Variants in EXOC6B observed in about 807,000 individuals in gnomAD.
EXOC6B encodes the protein SEC15 homolog B.
A neutral mutation model predicts 113.5 loss-of-function variants in EXOC6B; 54 were observed. The observed-to-expected ratio is 0.48, with a 90% CI of 0.38 to 0.60. The LOEUF (loss-of-function observed/expected upper bound fraction) is 0.60, where lower values mean the gene tolerates loss of function less well. EXOC6B is among the 20% of genes least tolerant of loss of function. The pLI is 0.00. For synonymous variants in EXOC6B, 357 were observed against 339.0 expected (o/e 1.05, Z -0.58); for missense variants, 797 against 977.5 (o/e 0.82, Z 2.46).
chr2:72,657,430 C>T (rs1674667786), intron 6 of EXOC6B, among the ~76,000 whole-genome samples: 3 of 151,706 alleles, frequency 2.0e-5, no homozygotes, highest in Non-Finnish European at 1.5e-5. Flanking sequence ...TGAGGTTTCA[C>T]CATATTGGCC....
In EXOC6B at chr2:72,439,256, T is replaced by G. The variant is rs540323233; in HGVS notation, c.1980+25904A>C. Among the ~76,000 whole-genome samples, 3 of 152,310 alleles carry G rather than the reference T, an allele frequency of 2.0e-5. No homozygotes were observed. The South Asian group carries it at 6.2e-4, about 32-fold the overall frequency. On this transcript the variant is annotated intron_variant, in intron 18 of 21. Coordinates refer to ENST00000272427, the MANE Select transcript of EXOC6B (RefSeq NM_015189.3). The stretch of plus-strand genomic sequence containing the variant: ...GGATATTTAACTAGGGTTCTCTGAA[T>G]TTACTGAATTTGAATGCTGCCCTGT...
intron 16 of EXOC6B, among the ~76,000 whole-genome samples, chr2:72,484,541 T>C (rs1335554181): frequency 3.0e-5 from 4 of 131,536 alleles, no homozygotes; most frequent in Non-Finnish European, 6.1e-5. Context: ...CACTCCAGCC[T>C]GGGCGACAGA....
intron 20 of EXOC6B, among the ~76,000 whole-genome samples, chr2:72,230,324 A>G (rs1324242299): frequency 1.7e-4 from 26 of 152,242 alleles, no homozygotes; most frequent in Non-Finnish European, 1.6e-4. Context: ...ATTTGATAAC[A>G]AAGTAGCTTT....
intron 1 of EXOC6B, among the ~76,000 whole-genome samples, chr2:72,817,955 C>T (rs1559027297): frequency 1.3e-5 from 2 of 151,958 alleles, no homozygotes; most frequent in Admixed American, 6.6e-5. Flanking sequence ...CAGAACATTC[C>T]TTGTTTGTTT....
intron 20 of EXOC6B, among the ~76,000 whole-genome samples, chr2:72,187,250 A>AGGGAGCTC (rs761940409): frequency 4.6e-5 from 7 of 152,066 alleles, no homozygotes; most frequent in Non-Finnish European, 1.0e-4. Flanking sequence ...GCCCTGGCTC[A>AGGGAGCTC]GGGAGCTCCC....
At chr2:72,423,758 TACATACACACATGCACACAC>T (rs1695044127) in intron 18 of EXOC6B, among the ~76,000 whole-genome samples, 1 of 152,048 alleles carries the variant, frequency 6.6e-6, no homozygotes, top group East Asian at 1.9e-4. Flanking sequence ...CGTGCACACA[TACATACACACATGCACACAC>T]ACATGAACAC....
chr2:72,519,955 G>A (rs1281623671), intron 8 of EXOC6B, among the ~76,000 whole-genome samples: 1 of 152,114 alleles, frequency 6.6e-6, no homozygotes, highest in East Asian at 1.9e-4. Context: ...GGAAATGTGT[G>A]GCTCTTTCTG....
chr2:72,194,864 G>A (rs1679075123), intron 20 of EXOC6B, among the ~76,000 whole-genome samples: 1 of 152,114 alleles, frequency 6.6e-6, no homozygotes, highest in Admixed American at 6.5e-5. Flanking sequence ...GCCAGTAACA[G>A]GTTGGTTCCT....
At chr2:72,223,931 G>A (rs1470051329) in intron 20 of EXOC6B, among the ~76,000 whole-genome samples, 1 of 152,152 alleles carries the variant, frequency 6.6e-6, no homozygotes, top group African/African-American at 2.4e-5. Context: ...TTGGAATACA[G>A]GCGATTCCAA....
chr2:72,753,937 T>G (rs991124294), intron 1 of EXOC6B, among the ~76,000 whole-genome samples: 5 of 152,154 alleles, frequency 3.3e-5, no homozygotes, highest in Non-Finnish European at 5.9e-5. Context: ...TTTTAGTTTT[T>G]AGGATTTGTT....
chr2:72,733,302 C>T (rs1680755051), intron 2 of EXOC6B, among the ~76,000 whole-genome samples, 184 bp from the exon 3 acceptor site: 1 of 152,114 alleles, frequency 6.6e-6, no homozygotes, highest in Admixed American at 6.6e-5. Flanking sequence ...TGGATGTTTG[C>T]ATGACCTTTT....
chr2:72,746,037 T>C (rs1389822773), intron 1 of EXOC6B, among the ~76,000 whole-genome samples: 1 of 152,096 alleles, frequency 6.6e-6, no homozygotes, highest in Non-Finnish European at 1.5e-5. Flanking sequence ...CGCTTAAAAA[T>C]CTAAAAACTA....
Position 72,575,493 on chromosome 2 carries a change from T to G in EXOC6B, c.845A>C (p.Glu282Ala). The change falls in exon 7 of 22, where the codon GAG (glutamate) becomes GCG (alanine). Residue 282 changes from glutamate to alanine, a missense_variant and splice_region_variant. Physicochemically the swap from Glu to Ala is moderately radical, Grantham distance 107. Coordinates refer to ENST00000272427, the MANE Select transcript of EXOC6B (RefSeq NM_015189.3). ...TTCCCAACATCAAATGTTACTTACC[T>G]CTTCATCATCTTCCTCGTCTTCAAC... The part of the protein sequence containing the change: ...LDVEDEEDDE[E>A]VPGAQDLVDF... 6.2e-7 allele frequency: 1 copy of G among 1,604,526 alleles called. No individual in the cohort carries two copies. Among genetic ancestry groups the G allele is most frequent in the African/African-American group, 1.3e-5 (1 of 74,356 alleles).
intron 18 of EXOC6B, among the ~76,000 whole-genome samples, chr2:72,442,321 A>C (rs1339250210): frequency 6.6e-6 from 1 of 151,806 alleles, no homozygotes; most frequent in Non-Finnish European, 1.5e-5. Context: ...AGCTGAACAC[A>C]TTCCCCCCCG....
chr2:72,716,351 T>C (rs1479705098), intron 6 of EXOC6B, among the ~76,000 whole-genome samples: 6 of 152,170 alleles, frequency 3.9e-5, no homozygotes, highest in South Asian at 2.1e-4. Context: ...CTCCCTCTTA[T>C]CTGGGAATTC....
intron 20 of EXOC6B, among the ~76,000 whole-genome samples, chr2:72,259,887 C>CA (rs1250984352): frequency 2.0e-5 from 3 of 151,852 alleles, no homozygotes; most frequent in East Asian, 1.9e-4. Flanking sequence ...CCTGTCTCTA[C>CA]AAAAAAATAC....
At chr2:72,653,607 C>CCG (rs1553460772) in intron 6 of EXOC6B, among the ~76,000 whole-genome samples, 41 of 144,028 alleles carry the variant, frequency 2.8e-4, no homozygotes, top group African/African-American at 1.1e-3. Flanking sequence ...AACCCCCCCC[C>CCG]AAAAAGAAAG....
chr2:72,301,537 C>G (rs938833068), intron 20 of EXOC6B, among the ~76,000 whole-genome samples: 1 of 152,158 alleles, frequency 6.6e-6, no homozygotes, highest in Non-Finnish European at 1.5e-5. Context: ...TGTTACTGGT[C>G]TGTTCAGGGA....
intron 6 of EXOC6B, among the ~76,000 whole-genome samples, chr2:72,590,422 T>G (rs1573449464): frequency 6.6e-6 from 1 of 151,784 alleles, no homozygotes; most frequent in African/African-American, 2.4e-5. Flanking sequence ...ATAGAAATAT[T>G]AACAAGAAAA....
Sources: allele counts gnomAD v4.1 joint callset (sites outside exome capture counted in the v4.1 genomes callset), GRCh38; gene constraint gnomAD v4.1.1; transcripts MANE v1.5; gene names NCBI Gene and HGNC (gene_info 2026-07-23, HGNC 2026-07-21).